The following TBC1D2B variants were observed in gnomAD, a reference collection of about 807,000 sequenced individuals.
The protein encoded by TBC1D2B is TBC1 domain family, member 2B.
Under a neutral mutation model 100.8 loss-of-function variants are expected in TBC1D2B, and 64 were observed. The observed-to-expected ratio is 0.64, with a 90% CI of 0.52 to 0.78. TBC1D2B has a LOEUF of 0.78. Among genes scored for constraint, TBC1D2B ranks in the 30% least tolerant of loss-of-function variants. The pLI, the probability that TBC1D2B is intolerant of heterozygous loss-of-function variation, is 0.00. For synonymous variants in TBC1D2B, 480 were observed against 479.7 expected (o/e 1.00, Z -0.01); for missense variants, 1,052 against 1,218.4 (o/e 0.86, Z 2.03).
intron 2 of TBC1D2B, among the ~76,000 whole-genome samples, chr15:78,051,325 A>T (rs1194592767): frequency 6.6e-6 from 1 of 152,238 alleles, no homozygotes; most frequent in African/African-American, 2.4e-5. Flanking sequence ...TTAACAATGC[A>T]GTTTCCCATT....
intron 10 of TBC1D2B, among the ~76,000 whole-genome samples, chr15:78,006,427 T>G (rs985439793): frequency 6.6e-6 from 1 of 152,172 alleles, no homozygotes; most frequent in African/African-American, 2.4e-5. Flanking sequence ...AGTGAAGCAA[T>G]CACAGGGAGA....
Position 78,024,088 on chromosome 15 carries a change from G to C in TBC1D2B, c.1470+68C>G. 6 of 1,515,430 alleles carry C rather than the reference G, an allele frequency of 4.0e-6. No homozygotes were observed. The South Asian group carries it at 7.8e-5, about 20-fold the overall frequency. The allele number at this position is 1,515,430 out of a possible 1,614,324, so 93.9% of individuals were successfully genotyped here. A position where few individuals can be genotyped will look rare whatever the true frequency, so the allele number is the denominator to read the frequency against. ...CCGTCACACCAAATCAGCTCACGGAGGCCAGGCCTCTGGGGTGACATCGGT... is the reference window on the plus strand; with the variant it reads ...CCGTCACACCAAATCAGCTCACGGACGCCAGGCCTCTGGGGTGACATCGGT... On this transcript the variant is annotated intron_variant, in intron 6 of 12. Coordinates refer to ENST00000300584, the MANE Select transcript of TBC1D2B (RefSeq NM_144572.2).
In TBC1D2B at chr15:78,066,082, G is replaced by T. The variant is rs555239358; in HGVS notation, c.360+11211C>A. On this transcript the variant is annotated intron_variant, in intron 1 of 12. Coordinates refer to ENST00000300584, the MANE Select transcript of TBC1D2B (RefSeq NM_144572.2). ...CACCCTCCCAGAAATACCGAAAGATGCCAAGTGAACACTGTTCCCTCCTGG... is the reference window on the plus strand; with the variant it reads ...CACCCTCCCAGAAATACCGAAAGATTCCAAGTGAACACTGTTCCCTCCTGG... 1.1e-5 allele frequency: 5 copies of T among 470,996 alleles called. No homozygotes were observed. The East Asian group carries it at 3.5e-4, about 33-fold the overall frequency. The allele number at this position is 470,996 out of a possible 1,614,324, so 29.2% of individuals were successfully genotyped here. A position where few individuals can be genotyped will look rare whatever the true frequency, so the allele number is the denominator to read the frequency against.
chr15:78,074,755 A>C (rs1414237639), intron 1 of TBC1D2B, among the ~76,000 whole-genome samples: 1 of 152,182 alleles, frequency 6.6e-6, no homozygotes, highest in Non-Finnish European at 1.5e-5. Context: ...CCTTTCTATA[A>C]GTGGTATCAT....
At chr15:78,074,830 G>A (rs1310248870) in intron 1 of TBC1D2B, among the ~76,000 whole-genome samples, 2 of 152,198 alleles carry the variant, frequency 1.3e-5, no homozygotes, top group African/African-American at 4.8e-5. Context: ...AGTAATCCAC[G>A]TTGACACCTA....
intron 3 of TBC1D2B, 110 bp downstream of exon 3, chr15:78,044,790 A>G (rs1036509911): frequency 2.0e-6 from 2 of 1,010,500 alleles, no homozygotes; most frequent in Non-Finnish European, 2.8e-6. Flanking sequence ...GTAAACAACA[A>G]AGGCCTTTGT....
chr15:78,022,021 G>A (rs1199430569), intron 6 of TBC1D2B, among the ~76,000 whole-genome samples: 3 of 152,140 alleles, frequency 2.0e-5, no homozygotes, highest in African/African-American at 4.8e-5. Flanking sequence ...CACCACTATA[G>A]TATTGTTCTA....
intron 3 of TBC1D2B, among the ~76,000 whole-genome samples, chr15:78,040,979 T>G (rs2073082856): frequency 6.6e-6 from 1 of 152,206 alleles, no homozygotes; most frequent in South Asian, 2.1e-4. Flanking sequence ...CTCTGTTATC[T>G]TTCTTGGGCA....
At chr15:77,999,798 C>A (rs144795695) in intron 12 of TBC1D2B, among the ~76,000 whole-genome samples, 17 of 152,186 alleles carry the variant, frequency 1.1e-4, no homozygotes, top group African/African-American at 2.4e-4. Flanking sequence ...GCACCCGGGA[C>A]GCCAGACCCC....
chr15:78,045,992 C>T (rs1313778295), intron 2 of TBC1D2B, among the ~76,000 whole-genome samples: 6 of 152,020 alleles, frequency 3.9e-5, no homozygotes, highest in Non-Finnish European at 8.8e-5. Flanking sequence ...AATGCAATGG[C>T]GCGGTCTCGG....
At chr15:78,031,883 A>G (rs1390341423) in intron 3 of TBC1D2B, among the ~76,000 whole-genome samples, 1 of 152,204 alleles carries the variant, frequency 6.6e-6, no homozygotes, top group East Asian at 1.9e-4. Context: ...AGAGAGGGAA[A>G]GCCAATGAGG....
At chr15:78,037,621 G>A (rs1452483147) in intron 3 of TBC1D2B, among the ~76,000 whole-genome samples, 1 of 145,094 alleles carries the variant, frequency 6.9e-6, no homozygotes, top group Non-Finnish European at 1.5e-5. Context: ...GGAGGGGAGA[G>A]GAAGATGCAG....
At chr15:78,072,063 A>T (rs1200076083) in intron 1 of TBC1D2B, among the ~76,000 whole-genome samples, 1 of 152,180 alleles carries the variant, frequency 6.6e-6, no homozygotes, top group Non-Finnish European at 1.5e-5. Flanking sequence ...CTCATGAGTT[A>T]ATTACCTCCC....
Position 78,065,198 on chromosome 15 carries a change from A to G in TBC1D2B, c.361-11011T>C, listed in dbSNP as rs1033707747. Reference sequence around the variant, plus strand: ...AAGCAAACACCTTGAGAGAAAAGCCATTTCTTAAACCCATATTCAGCAAAT... The same window carrying G: ...AAGCAAACACCTTGAGAGAAAAGCCGTTTCTTAAACCCATATTCAGCAAAT... On this transcript the variant is annotated intron_variant, in intron 1 of 12. Transcript: ENST00000300584. Among the ~76,000 whole-genome samples, 22 of 152,232 alleles carry G rather than the reference A, an allele frequency of 1.4e-4. 1 individual carries two copies. The highest frequency in any genetic ancestry group is 1.7e-4 in the African/African-American group (7 of 41,466).
Position 78,024,222 on chromosome 15 carries a change from G to C in TBC1D2B, c.1404C>G (p.Thr468=). The C allele has an allele frequency of 6.2e-7, 1 of 1,613,918 alleles. No individual in the cohort carries two copies. The highest frequency in any genetic ancestry group is 8.5e-7 in the Non-Finnish European group (1 of 1,179,898). The change falls in exon 6 of 13, where the codon ACC becomes ACG. Residue 468 remains threonine, a synonymous_variant. Transcript: ENST00000300584. ...CAACCGAAGGGGAGCTGGGCGCCAC[G>C]GTGGGAGGAGGCCCGTTGCCCTCGC... ...SEGEGNGPPP[T]VAPSSPSVVP...
chr15:78,044,573 T>C (rs1469082768), intron 3 of TBC1D2B, among the ~76,000 whole-genome samples: 1 of 152,230 alleles, frequency 6.6e-6, no homozygotes, highest in African/African-American at 2.4e-5. Flanking sequence ...AAGCCCCAGC[T>C]CTGCAGCCTG....
chr15:78,017,757 A>T, intron 7 of TBC1D2B, 90 bp downstream of exon 7: 1 of 752,958 alleles, frequency 1.3e-6, no homozygotes, highest in Non-Finnish European at 2.2e-6. Flanking sequence ...CAAGCCTGGG[A>T]GTTGAACCGC....
Position 78,003,209 on chromosome 15 carries a change from A to T in TBC1D2B, c.2574+96T>A. ...TCCCTTGGGCACCATGGTAACCCTC[A>T]TAAGTTCCAGGTGAGCCAGCCGCTC... On this transcript the variant is annotated intron_variant, in intron 11 of 12. Transcript: ENST00000300584. The T allele has an allele frequency of 4.4e-6, 5 of 1,125,920 alleles. No individual in the cohort carries two copies. In the South Asian group the frequency reaches 7.0e-5, roughly 16 times the overall value. The allele number at this position is 1,125,920 out of a possible 1,614,324, so 69.7% of individuals were successfully genotyped here.
At chr15:78,034,991 G>GT (rs35554962) in intron 3 of TBC1D2B, among the ~76,000 whole-genome samples, 32 of 152,006 alleles carry the variant, frequency 2.1e-4, no homozygotes, top group Non-Finnish European at 4.1e-4. Flanking sequence ...AAATGGAGGC[G>GT]TTTTTTTAGC....
Sources: gnomAD v4.1 joint callset for allele counts (sites outside exome capture counted in the v4.1 genomes callset) on GRCh38, gnomAD v4.1.1 for gene constraint, MANE v1.5 for transcripts, NCBI Gene and HGNC (gene_info 2026-07-23, HGNC 2026-07-21) for gene names.